Variants in SGPL1 observed in about 807,000 individuals in gnomAD.
SGPL1 encodes sphingosine-1-phosphate lyase 1, also known as SP-lyase 1.
In SGPL1, 37 loss-of-function variants were observed where a neutral mutation model predicts 68.9. That is an observed-to-expected ratio of 0.54 (90% CI 0.41 to 0.71). The LOEUF (loss-of-function observed/expected upper bound fraction) is 0.71. SGPL1 is among the 30% of genes least tolerant of loss of function. The pLI is 0.00. For missense variants in SGPL1, 551 were observed against 704.6 expected (o/e 0.78, Z 2.47); for synonymous variants, 236 against 248.5 (o/e 0.95, Z 0.47).
intron 11 of SGPL1, among the ~76,000 whole-genome samples, chr10:70,873,073 A>C (rs972549686): frequency 2.6e-5 from 4 of 152,194 alleles, no homozygotes; most frequent in Admixed American, 1.3e-4. Flanking sequence ...AAATAAGGTA[A>C]ACCACATGCT....
intron 2 of SGPL1, among the ~76,000 whole-genome samples, chr10:70,827,498 T>C (rs1482683179): frequency 6.6e-6 from 1 of 152,218 alleles, no homozygotes; most frequent in African/African-American, 2.4e-5. Flanking sequence ...TATAGCTACA[T>C]CAGCTTTTTG....
At chr10:70,840,805 T>C (rs1845701782) in intron 2 of SGPL1, among the ~76,000 whole-genome samples, 1 of 152,206 alleles carries the variant, frequency 6.6e-6, no homozygotes, top group African/African-American at 2.4e-5. Flanking sequence ...GGAATGTCTT[T>C]ATATCTTAAT....
At chr10:70,829,050 G>C (rs1011821020) in intron 2 of SGPL1, among the ~76,000 whole-genome samples, 2 of 152,162 alleles carry the variant, frequency 1.3e-5, no homozygotes, top group African/African-American at 4.8e-5. Context: ...CAGAGTGGAA[G>C]AAAGCCTAAG....
intron 2 of SGPL1, among the ~76,000 whole-genome samples, chr10:70,836,440 C>T (rs1309341433): frequency 5.3e-5 from 8 of 152,156 alleles, no homozygotes; most frequent in African/African-American, 1.9e-4. Context: ...GTCACTTAAC[C>T]TTTCTTGACT....
Position 70,874,620 on chromosome 10 carries a change from G to A in SGPL1, c.1299-782G>A, listed in dbSNP as rs1243167493. On this transcript the variant is annotated intron_variant, in intron 12 of 14. Coordinates refer to ENST00000373202, the MANE Select transcript of SGPL1 (RefSeq NM_003901.4). ...TGCCTGTAATCCCAGCTACTCAGGAGGCTGAGGCAGGAGAATTGCTTGAAC... is the reference window on the plus strand; with the variant it reads ...TGCCTGTAATCCCAGCTACTCAGGAAGCTGAGGCAGGAGAATTGCTTGAAC... Among the ~76,000 whole-genome samples the A allele has an allele frequency of 2.0e-5, 3 of 152,228 alleles. No homozygotes were observed. In the East Asian group the frequency reaches 5.8e-4, roughly 29 times the overall value.
chr10:70,873,714 T>C, intron 12 of SGPL1, 125 bp downstream of exon 12: 1 of 747,216 alleles, frequency 1.3e-6, no homozygotes, highest in Non-Finnish European at 2.3e-6. Flanking sequence ...TATAGAGGGC[T>C]TAGGGCAGCA....
chr10:70,850,045 G>A (rs1845853878), intron 3 of SGPL1, among the ~76,000 whole-genome samples: 1 of 152,182 alleles, frequency 6.6e-6, no homozygotes, highest in Non-Finnish European at 1.5e-5. Flanking sequence ...TACATTGATT[G>A]TGAATGCATC....
chr10:70,876,988 T>C (rs1311402020), intron 14 of SGPL1, among the ~76,000 whole-genome samples: 1 of 152,246 alleles, frequency 6.6e-6, no homozygotes, highest in African/African-American at 2.4e-5. Flanking sequence ...AGTCCCTTTA[T>C]GCAGAAAGGC....
intron 5 of SGPL1, among the ~76,000 whole-genome samples, chr10:70,856,594 C>T (rs1175828975): frequency 1.3e-5 from 2 of 152,204 alleles, no homozygotes; most frequent in Non-Finnish European, 2.9e-5. Flanking sequence ...GTGTATAGTA[C>T]AGAGCAGTGT....
chr10:70,842,818 G>A (rs1292333130), intron 2 of SGPL1, among the ~76,000 whole-genome samples: 3 of 152,118 alleles, frequency 2.0e-5, no homozygotes, highest in African/African-American at 7.2e-5. Flanking sequence ...CCAGCCTCAC[G>A]TCTCTGATTT....
At chr10:70,839,708 G>T (rs906349745) in intron 2 of SGPL1, among the ~76,000 whole-genome samples, 1 of 152,000 alleles carries the variant, frequency 6.6e-6, no homozygotes, top group Non-Finnish European at 1.5e-5. Context: ...TATATTCAGA[G>T]ATATATAGAC....
chr10:70,846,312 T>C (rs1250617488), intron 3 of SGPL1, among the ~76,000 whole-genome samples: 2 of 152,102 alleles, frequency 1.3e-5, no homozygotes, highest in East Asian at 3.8e-4. Context: ...TTCAATTCAG[T>C]GAGTAAGGGG....
chr10:70,866,124 C>G (rs1167271290), intron 7 of SGPL1: 4 of 152,188 alleles, frequency 2.6e-5, no homozygotes, highest in Non-Finnish European at 5.9e-5. Context: ...CAGTGACTCA[C>G]GCCTGTAGTC....
In SGPL1 at chr10:70,829,465, A is replaced by G. The variant is rs75407250; in HGVS notation, c.27+12585A>G. ...AGAAAAGGAAAATGTTTATCATTGG[A>G]TAATTCAGGTTCACTGAATATTTAA... On this transcript the variant is annotated intron_variant, in intron 2 of 14. Transcript: ENST00000373202. Among the ~76,000 whole-genome samples, 668 of 152,278 alleles carry G rather than the reference A, an allele frequency of 4.4e-3. 2 individuals carry two copies. The highest frequency in any genetic ancestry group is 0.015 in the African/African-American group (638 of 41,568).
chr10:70,845,177 C>T (rs372058770), intron 3 of SGPL1, among the ~76,000 whole-genome samples: 15 of 152,120 alleles, frequency 9.9e-5, no homozygotes, highest in East Asian at 5.8e-4. Flanking sequence ...CACGTAAAAA[C>T]GCCTCAGAAT....
intron 2 of SGPL1, among the ~76,000 whole-genome samples, chr10:70,824,787 A>G (rs903056905): frequency 1.3e-5 from 2 of 152,178 alleles, no homozygotes; most frequent in African/African-American, 4.8e-5. Flanking sequence ...AACATTATGC[A>G]GACATTTTCT....
At chr10:70,875,348 A>G in intron 12 of SGPL1, 54 bp from the exon 13 acceptor site, 1 of 1,134,300 alleles carries the variant, frequency 8.8e-7, no homozygotes, top group Admixed American at 1.7e-5. Flanking sequence ...TGACCAGGGG[A>G]TTGTATGTGA....
intron 2 of SGPL1, among the ~76,000 whole-genome samples, chr10:70,829,323 G>A (rs1753461618): frequency 6.6e-6 from 1 of 152,130 alleles, no homozygotes; most frequent in Admixed American, 6.5e-5. Flanking sequence ...ACTAAGGTGT[G>A]TTTTATTACC....
chr10:70,867,716 T>A (rs903579318), intron 7 of SGPL1, among the ~76,000 whole-genome samples: 11 of 152,196 alleles, frequency 7.2e-5, no homozygotes, highest in Non-Finnish European at 4.4e-5. Context: ...GTCTTTTTGT[T>A]TGAACTCTGG....
Sources: allele counts gnomAD v4.1 joint callset (sites outside exome capture counted in the v4.1 genomes callset), GRCh38; gene constraint gnomAD v4.1.1; transcripts MANE v1.5; gene names NCBI Gene and HGNC (gene_info 2026-07-23, HGNC 2026-07-21).